Variants in ACER3 observed in about 807,000 individuals in gnomAD.
ACER3 encodes alkaline ceramidase 3.
ACER3 carries 16 observed loss-of-function variants against 48.9 expected under a neutral mutation model. The ratio of observed to expected loss-of-function variants is 0.33; its 90% CI spans 0.22 to 0.50. The LOEUF is 0.50. ACER3 is among the 20% of genes least tolerant of loss of function. The pLI is 0.98. For synonymous variants in ACER3, 109 were observed against 107.8 expected, an observed-to-expected ratio of 1.01 and a Z score of -0.07; for missense variants, 227 against 326.0, an observed-to-expected ratio of 0.70 and a Z score of 2.34.
At chr11:76,930,762 T>C (rs1344546671) in intron 2 of ACER3, among the ~76,000 whole-genome samples, 1 of 152,122 alleles carries the variant, frequency 6.6e-6, no homozygotes. Context: ...AGTTTCCATG[T>C]AGTTGAGAGG....
At chr11:77,019,549 G>A in intron 9 of ACER3, 182 bp from the exon 10 acceptor site, 1 of 612,726 alleles carries the variant, frequency 1.6e-6, no homozygotes, top group Non-Finnish European at 2.9e-6. Flanking sequence ...TTTACAGCAT[G>A]GTTTACTGAA....
At chr11:76,899,147 G>T (rs1472753208) in intron 1 of ACER3, among the ~76,000 whole-genome samples, 2 of 152,008 alleles carry the variant, frequency 1.3e-5, no homozygotes, top group Non-Finnish European at 2.9e-5. Flanking sequence ...AGTTCCTTTT[G>T]TGGCCTTTTT....
intron 1 of ACER3, among the ~76,000 whole-genome samples, chr11:76,920,824 A>G (rs956827860): frequency 6.6e-6 from 1 of 151,930 alleles, no homozygotes; most frequent in Non-Finnish European, 1.5e-5. Flanking sequence ...TTTTTTGTAG[A>G]GATGGGTTCT....
intron 1 of ACER3, among the ~76,000 whole-genome samples, chr11:76,875,732 G>GTTTTTTTTTTTTTTTTT (rs71040037): frequency 1.0e-4 from 7 of 67,068 alleles, no homozygotes; most frequent in Non-Finnish European, 1.3e-4. Context: ...AGTTTTTGTT[G>GTTTTTTTTTTTTTTTTT]TTTTTTTTTT....
intron 1 of ACER3, among the ~76,000 whole-genome samples, chr11:76,867,679 AAAG>A (rs1414839833): frequency 6.6e-6 from 1 of 152,160 alleles, no homozygotes; most frequent in Admixed American, 6.5e-5. Flanking sequence ...TAAATAAATA[AAAG>A]AAAGCTAAAA....
chr11:76,925,300 G>A (rs1946800378), intron 1 of ACER3, among the ~76,000 whole-genome samples: 1 of 151,992 alleles, frequency 6.6e-6, no homozygotes. Flanking sequence ...AAATATATAT[G>A]GTTATTCATT....
intron 1 of ACER3, among the ~76,000 whole-genome samples, chr11:76,865,901 G>A (rs992309147): frequency 2.0e-5 from 3 of 148,930 alleles, no homozygotes; most frequent in African/African-American, 7.5e-5. Context: ...ACTGCAACCT[G>A]TGCCTCCTGG....
At chr11:76,925,360 G>T (rs548444783) in intron 1 of ACER3, among the ~76,000 whole-genome samples, 8 of 152,194 alleles carry the variant, frequency 5.3e-5, no homozygotes, top group African/African-American at 1.4e-4. Flanking sequence ...TTGCAATATT[G>T]CTTGTAATAG....
chr11:76,917,871 AAAAAG>A (rs1285761561), intron 1 of ACER3, among the ~76,000 whole-genome samples: 232 of 147,236 alleles, frequency 1.6e-3, no homozygotes, highest in Non-Finnish European at 2.3e-3. Context: ...AAAAAAAAAA[AAAAAG>A]AAAGAAAAGA....
chr11:76,935,039 A>G (rs1406220571), intron 2 of ACER3, among the ~76,000 whole-genome samples: 1 of 152,188 alleles, frequency 6.6e-6, no homozygotes, highest in Non-Finnish European at 1.5e-5. Context: ...AAATAGCTCA[A>G]TTCCTCTCCT....
rs184457377 is a variant in ACER3 at position 76,932,093 on chromosome 11, C to T, written c.214+5426C>T. 7.3e-4 allele frequency among the ~76,000 whole-genome samples: 111 copies of T among 152,020 alleles called. 1 individual carries two copies. The highest frequency in any genetic ancestry group is 2.5e-3 in the African/African-American group (104 of 41,484). On this transcript the variant is annotated intron_variant, in intron 2 of 10. Coordinates refer to ENST00000532485, the MANE Select transcript of ACER3 (RefSeq NM_018367.7). ...CCTCCCAAGTAGCTGGGACCACAGGCGTATGCCACCATGCCTGGCTAATTT... is the reference window on the plus strand; with the variant it reads ...CCTCCCAAGTAGCTGGGACCACAGGTGTATGCCACCATGCCTGGCTAATTT...
At chr11:76,942,501 T>C (rs1246574560) in intron 2 of ACER3, among the ~76,000 whole-genome samples, 5 of 152,120 alleles carry the variant, frequency 3.3e-5, no homozygotes, top group Admixed American at 2.6e-4. Flanking sequence ...TATTTGCATA[T>C]GTTTAACTAT....
rs551272359 is a variant in ACER3, at chr11:77,016,940, C to T, written c.704+161C>T. On this transcript the variant is annotated intron_variant, in intron 9 of 10. Coordinates refer to ENST00000532485, the MANE Select transcript of ACER3 (RefSeq NM_018367.7). ...ACAACCGCTGGGTCAAAGAAGAAGT[C>T]AAAAAATTAGAAAATACCTTGAGAC... Among the ~76,000 whole-genome samples, 20 of 151,552 alleles carry T rather than the reference C, an allele frequency of 1.3e-4. No homozygotes were observed. The South Asian group carries it at 3.8e-3, about 28-fold the overall frequency.
At chr11:76,964,953 G>A (rs933444642) in intron 3 of ACER3, among the ~76,000 whole-genome samples, 1 of 151,358 alleles carries the variant, frequency 6.6e-6, no homozygotes. Context: ...GAACAAAGCT[G>A]GACGGAGAAT....
intron 4 of ACER3, among the ~76,000 whole-genome samples, chr11:76,978,008 C>T (rs930603394): frequency 3.3e-5 from 5 of 152,306 alleles, no homozygotes; most frequent in African/African-American, 1.2e-4. Context: ...CCCCTGCCAC[C>T]TCCGCCCCCT....
chr11:76,876,633 C>A (rs1945390699), intron 1 of ACER3, among the ~76,000 whole-genome samples: 1 of 152,256 alleles, frequency 6.6e-6, no homozygotes, highest in South Asian at 2.1e-4. Context: ...TACTGCTAGA[C>A]CTTTTCCCAA....
chr11:76,925,548 G>C (rs1393788000), intron 1 of ACER3, among the ~76,000 whole-genome samples: 1 of 152,002 alleles, frequency 6.6e-6, no homozygotes, highest in African/African-American at 2.4e-5. Flanking sequence ...CTTTCCTGCA[G>C]TTCTTGGTTC....
chr11:76,931,322 A>G (rs1189422826), intron 2 of ACER3, among the ~76,000 whole-genome samples: 1 of 140,112 alleles, frequency 7.1e-6, no homozygotes, highest in Admixed American at 7.1e-5. Context: ...TGCTTGGTAG[A>G]TCTCCCTCCA....
intron 6 of ACER3, among the ~76,000 whole-genome samples, chr11:76,990,787 G>A (rs566979203): frequency 1.5e-4 from 23 of 152,276 alleles, no homozygotes; most frequent in African/African-American, 5.1e-4. Context: ...TAGCCAATGC[G>A]CAGGTCCAGC....
Sources: allele counts gnomAD v4.1 joint callset (sites outside exome capture counted in the v4.1 genomes callset), GRCh38; gene constraint gnomAD v4.1.1; transcripts MANE v1.5; gene names NCBI Gene and HGNC (gene_info 2026-07-23, HGNC 2026-07-21).